Variants in HIPK2 observed in about 807,000 individuals in gnomAD.
HIPK2 encodes the protein homeodomain interacting protein kinase 2.
Under a neutral mutation model 113.7 loss-of-function variants are expected in HIPK2, and 27 were observed. The observed-to-expected ratio is 0.24, with a 90% confidence interval of 0.17 to 0.33. The LOEUF (loss-of-function observed/expected upper bound fraction) is 0.33. HIPK2 is among the 10% of genes least tolerant of loss of function. HIPK2 has a pLI of 1.00. For missense variants in HIPK2, 1,257 were observed against 1,588.0 expected, an observed-to-expected ratio of 0.79 and a Z score of 3.54; for synonymous variants, 631 against 642.2, an observed-to-expected ratio of 0.98 and a Z score of 0.26.
intron 2 of HIPK2, among the ~76,000 whole-genome samples, chr7:139,633,116 A>AAG (rs1554433433): frequency 3.1e-4 from 35 of 113,240 alleles, no homozygotes; most frequent in African/African-American, 1.3e-3. Context: ...AAAAAAAAAA[A>AAG]AAAGAAAGAA....
chr7:139,589,216 A>AT (rs1370709462), intron 12 of HIPK2, among the ~76,000 whole-genome samples: 2 of 152,184 alleles, frequency 1.3e-5, no homozygotes, highest in African/African-American at 4.8e-5. Context: ...TACTCATGGC[A>AT]TTAAAGGAGC....
At chr7:139,639,751 C>A (rs1263438917) in intron 2 of HIPK2, among the ~76,000 whole-genome samples, 2 of 152,170 alleles carry the variant, frequency 1.3e-5, no homozygotes, top group Non-Finnish European at 2.9e-5. Context: ...TGTAGGTGCT[C>A]CATACACATT....
chr7:139,607,764 A>G (rs767303063), intron 9 of HIPK2, among the ~76,000 whole-genome samples: 1 of 152,146 alleles, frequency 6.6e-6, no homozygotes, highest in Non-Finnish European at 1.5e-5. Context: ...GAAAGGAGGA[A>G]CAGGAGAGAA....
chr7:139,716,780 G>C lies in HIPK2; in HGVS notation c.255C>G (p.Val85=), dbSNP rs1410369946. 1 of 1,613,978 alleles carries C rather than the reference G, an allele frequency of 6.2e-7. No individual in the cohort carries two copies. Among genetic ancestry groups the C allele is most frequent in the Admixed American group, 1.7e-5 (1 of 60,022 alleles). ...NPSLPYEQTI[V]FPGSTGHIVV... ...CGATGTGCCCGGTGCTTCCTGGGAA[G>C]ACGATGGTCTGCTCGTAAGGTAGGC... is the stretch of plus-strand genomic sequence containing the variant. Residue 85 remains valine, a synonymous_variant, in exon 2 of 15, where the codon GTC becomes GTG. Transcript: ENST00000406875. This position sits in a 1 kb window ranked among gnomAD's most constrained non-coding sequence, Gnocchi z 9.3.
At chr7:139,700,756 T>C (rs1011499628) in intron 2 of HIPK2, among the ~76,000 whole-genome samples, 1 of 152,188 alleles carries the variant, frequency 6.6e-6, no homozygotes, top group Admixed American at 6.5e-5. Context: ...TTCCTGTTCC[T>C]ATGCTCTCAC....
chr7:139,637,429 T>C (rs1330080295), intron 2 of HIPK2, among the ~76,000 whole-genome samples: 1 of 152,170 alleles, frequency 6.6e-6, no homozygotes, highest in Non-Finnish European at 1.5e-5. Flanking sequence ...TTTGCAAGAG[T>C]ACCTGGAGCT....
chr7:139,739,092 G>A (rs894921949), intron 1 of HIPK2, among the ~76,000 whole-genome samples: 5 of 152,192 alleles, frequency 3.3e-5, no homozygotes, highest in Non-Finnish European at 7.3e-5. Flanking sequence ...ACAAAGGTAA[G>A]TTTCGGGCAA....
intron 1 of HIPK2, among the ~76,000 whole-genome samples, chr7:139,736,506 C>T (rs961352667): frequency 4.6e-5 from 7 of 152,172 alleles, no homozygotes; most frequent in Non-Finnish European, 7.4e-5. Context: ...AGAGCACACC[C>T]TCCTGGCACA....
rs763446579 is a variant in HIPK2 at position 139,751,629 on chromosome 7, T to TGGATGGAC, written c.19+25975_19+25976insGTCCATCC. On this transcript the variant is annotated intron_variant, in intron 1 of 14. Coordinates refer to ENST00000406875, the MANE Select transcript of HIPK2 (RefSeq NM_022740.5). The stretch of plus-strand genomic sequence containing the variant: ...ATGGATGGATGGATGGATGGATGGA[T>TGGATGGAC]GGACAAACATATTTCTGCTGGGCCA... Among the ~76,000 whole-genome samples the TGGATGGAC allele has an allele frequency of 4.0e-5, 6 of 149,158 alleles. No homozygotes were observed. The East Asian group carries it at 7.8e-4, about 19-fold the overall frequency.
chr7:139,591,041 C>T (rs1423761136), intron 12 of HIPK2, among the ~76,000 whole-genome samples: 1 of 152,154 alleles, frequency 6.6e-6, no homozygotes, highest in Non-Finnish European at 1.5e-5. Flanking sequence ...GAGACAGGGT[C>T]TTGCTATATT....
At chr7:139,741,042 G>A (rs1433475679) in intron 1 of HIPK2, among the ~76,000 whole-genome samples, 1 of 152,152 alleles carries the variant, frequency 6.6e-6, no homozygotes, top group Non-Finnish European at 1.5e-5. Flanking sequence ...AGCTACTCAG[G>A]AGGCTGAGGC....
intron 2 of HIPK2, among the ~76,000 whole-genome samples, chr7:139,649,555 G>GTA (rs1462224024): frequency 2.6e-5 from 4 of 151,916 alleles, no homozygotes; most frequent in Admixed American, 2.6e-4. Flanking sequence ...GGGTATGTGT[G>GTA]TGTGTGTGTC....
At chr7:139,601,895 T>C (rs1305791788) in intron 10 of HIPK2, among the ~76,000 whole-genome samples, 2 of 152,084 alleles carry the variant, frequency 1.3e-5, no homozygotes, top group African/African-American at 4.8e-5. Flanking sequence ...TGTAGGGATT[T>C]TGATAGCGCC....
In HIPK2 at chr7:139,573,298, T is replaced by C; in HGVS notation, c.3226A>G (p.Asn1076Asp). 1.2e-6 allele frequency: 2 copies of C among 1,605,054 alleles called. No individual in the cohort carries two copies. The highest frequency in any genetic ancestry group is 1.1e-5 in the South Asian group (1 of 91,028). The change falls in exon 15 of 15, where the codon AAC becomes GAC. Residue 1076 changes from asparagine to aspartate, a missense_variant. Asn to Asp is a conservative substitution (Grantham distance 23). Coordinates refer to ENST00000406875, the MANE Select transcript of HIPK2 (RefSeq NM_022740.5). The part of the protein sequence containing the change: ...MAQAPYSFPH[N>D]SPSHGTVHPH... ...TGCACAGTGCCGTGGCTGGGGCTGTTGTGCGGGAAGGAGTACGGAGCCTGG... is the reference window on the plus strand; with the variant it reads ...TGCACAGTGCCGTGGCTGGGGCTGTCGTGCGGGAAGGAGTACGGAGCCTGG...
Position 139,658,727 on chromosome 7 carries a change from C to CCCTTT in HIPK2, c.1104-27003_1104-27002insAAAGG, listed in dbSNP as rs1801760439. Among the ~76,000 whole-genome samples the CCCTTT allele has an allele frequency of 1.1e-4, 16 of 152,296 alleles. No homozygotes were observed. In the South Asian group the frequency reaches 3.3e-3, roughly 32 times the overall value. ...GGGATAAGATCTTGTTTTGTACATC[C>CCCTTT]TAATTCTGAGTGCCCTTTTATTACA... On this transcript the variant is annotated intron_variant, in intron 2 of 14. Coordinates refer to ENST00000406875, the MANE Select transcript of HIPK2 (RefSeq NM_022740.5).
intron 1 of HIPK2, among the ~76,000 whole-genome samples, chr7:139,761,691 C>T (rs771712537): frequency 3.9e-5 from 6 of 151,996 alleles, no homozygotes; most frequent in South Asian, 2.1e-4. Flanking sequence ...ACATAGGGCA[C>T]GATACTCGAT....
rs1431704245 is a variant in HIPK2 at position 139,777,775 on chromosome 7, C to T, written c.-152G>A. ...CGCCCGCGCCCGCATCACCGCCTCCCGTGGCCGGCGCCGGGGGAGGGGGCC... is the reference window on the plus strand; with the variant it reads ...CGCCCGCGCCCGCATCACCGCCTCCTGTGGCCGGCGCCGGGGGAGGGGGCC... On this transcript the variant is annotated 5_prime_UTR_variant, in exon 1 of 15. Transcript: ENST00000406875. 3 of 605,134 alleles carry T rather than the reference C, an allele frequency of 5.0e-6. No individual in the cohort carries two copies. Among genetic ancestry groups the T allele is most frequent in the African/African-American group, 2.1e-5 (1 of 48,236 alleles). The allele number at this position is 605,134 out of a possible 1,614,324, so 37.5% of individuals were successfully genotyped here. A position where few individuals can be genotyped will look rare whatever the true frequency, so the allele number is the denominator to read the frequency against.
chr7:139,677,475 T>C (rs1022232554), intron 2 of HIPK2, among the ~76,000 whole-genome samples: 3 of 152,080 alleles, frequency 2.0e-5, no homozygotes, highest in East Asian at 1.9e-4. Context: ...GTGCCGGCAT[T>C]TGGTGTCTGG....
intron 2 of HIPK2, among the ~76,000 whole-genome samples, chr7:139,706,548 A>C (rs556038913): frequency 6.6e-6 from 1 of 152,324 alleles, no homozygotes; most frequent in East Asian, 1.9e-4. Context: ...ACATTTAATA[A>C]GCATTAAGGG....
Sources: gnomAD v4.1 joint callset for allele counts (sites outside exome capture counted in the v4.1 genomes callset) on GRCh38, gnomAD v4.1.1 for gene constraint, Gnocchi (gnomAD v3.1) non-coding constraint, MANE v1.5 for transcripts, NCBI Gene and HGNC (gene_info 2026-07-23, HGNC 2026-07-21) for gene names.